AGMO: variants seen among roughly 807,000 people sequenced by gnomAD.
The protein encoded by AGMO is glyceryl-ether monooxygenase.
AGMO carries 75 observed loss-of-function variants against 60.2 expected under a neutral mutation model. That is an observed-to-expected ratio of 1.25 (90% CI 1.03 to 1.51). AGMO has a LOEUF of 1.51. Ranked by LOEUF, AGMO falls within the 40% of genes most tolerant of loss-of-function variation. AGMO has a pLI of 0.00. For missense variants in AGMO, 763 were observed against 525.5 expected (o/e 1.45, Z -4.42); for synonymous variants, 261 against 177.1 (o/e 1.47, Z -3.76).
chr7:15,358,591 G>C, intron 12 of AGMO: 1 of 339,994 alleles, frequency 2.9e-6, no homozygotes, highest in Non-Finnish European at 6.0e-6. Flanking sequence ...CCCTCCCCAA[G>C]ATAAAAAGAC....
chr7:15,538,283 A>C (rs1305835990), intron 3 of AGMO, among the ~76,000 whole-genome samples: 6 of 152,130 alleles, frequency 3.9e-5, no homozygotes, highest in Admixed American at 3.9e-4. Flanking sequence ...CTCATGCTGG[A>C]GTACAGTGGC....
At chr7:15,227,752 T>G (rs1359613456) in intron 12 of AGMO, among the ~76,000 whole-genome samples, 1 of 152,066 alleles carries the variant, frequency 6.6e-6, no homozygotes, top group Admixed American at 6.6e-5. Flanking sequence ...CTTTCCAGAC[T>G]TTTCCTTTCC....
intron 6 of AGMO, 82 bp downstream of exon 6, chr7:15,394,031 T>A (rs1011628842): frequency 7.8e-6 from 8 of 1,024,460 alleles, no homozygotes; most frequent in African/African-American, 6.5e-5. Flanking sequence ...ATTGGGAAAT[T>A]GTGATTAAAT....
intron 12 of AGMO, among the ~76,000 whole-genome samples, chr7:15,342,454 G>A (rs192368079): frequency 2.0e-5 from 3 of 151,930 alleles, no homozygotes; most frequent in African/African-American, 7.2e-5. Flanking sequence ...TGACTTCATT[G>A]GTAAACTCCC....
chr7:15,474,261 C>G (rs567216318), intron 3 of AGMO, among the ~76,000 whole-genome samples: 13 of 151,968 alleles, frequency 8.6e-5, no homozygotes, highest in Non-Finnish European at 1.3e-4. Context: ...TAAGCAAAAA[C>G]AACAAAGCTG....
the AGMO span, among the ~76,000 whole-genome samples, chr7:15,189,160 G>A: frequency 6.6e-6 from 1 of 152,122 alleles, no homozygotes; most frequent in African/African-American, 2.4e-5. Flanking sequence ...TGGGGAAAAT[G>A]AGAGTGGGCC....
chr7:15,561,424 C>T (rs980498308), intron 1 of AGMO, among the ~76,000 whole-genome samples: 1 of 152,188 alleles, frequency 6.6e-6, no homozygotes, highest in Non-Finnish European at 1.5e-5. Flanking sequence ...TGTCATTGAG[C>T]TTCCAATAGC....
At chr7:15,536,510 T>C (rs190213625) in intron 3 of AGMO, among the ~76,000 whole-genome samples, 2 of 151,974 alleles carry the variant, frequency 1.3e-5, no homozygotes, top group East Asian at 1.9e-4. Context: ...GAGAGGACAG[T>C]TTATTTATCA....
At chr7:15,551,652 C>T (rs1178723281) in intron 2 of AGMO, among the ~76,000 whole-genome samples, 5 of 151,018 alleles carry the variant, frequency 3.3e-5, no homozygotes, top group African/African-American at 1.2e-4. Flanking sequence ...CAAACCACTG[C>T]TCAAGGAAAT....
chr7:15,131,094 AGGAGGCAACTTT>A, the AGMO span, among the ~76,000 whole-genome samples: 1 of 152,102 alleles, frequency 6.6e-6, no homozygotes, highest in Non-Finnish European at 1.5e-5. Context: ...TATGTAAAAC[AGGAGGCAACTTT>A]GGAAACATAT....
chr7:15,189,940 C>T, the AGMO span, among the ~76,000 whole-genome samples: 1 of 150,898 alleles, frequency 6.6e-6, no homozygotes, highest in African/African-American at 2.4e-5. Context: ...TCTTAAGACT[C>T]AGAGTAAGCA....
intron 5 of AGMO, among the ~76,000 whole-genome samples, chr7:15,416,451 GT>G (rs1419568258): frequency 6.6e-6 from 1 of 151,976 alleles, no homozygotes; most frequent in Non-Finnish European, 1.5e-5. Flanking sequence ...TGATTTTAAG[GT>G]TTTTTTCCTT....
chr7:15,270,082 G>T (rs1034628794), intron 12 of AGMO, among the ~76,000 whole-genome samples: 1 of 151,934 alleles, frequency 6.6e-6, no homozygotes. Context: ...ATAAATGCAG[G>T]TGTCTTTCTG....
intron 5 of AGMO, among the ~76,000 whole-genome samples, chr7:15,414,877 C>A (rs140308220): frequency 6.6e-6 from 1 of 151,990 alleles, no homozygotes; most frequent in Admixed American, 6.6e-5. Context: ...CAAGTCATCA[C>A]GGACATCTAA....
intron 10 of AGMO, among the ~76,000 whole-genome samples, chr7:15,367,672 C>T (rs560273148): frequency 4.6e-5 from 7 of 152,112 alleles, no homozygotes; most frequent in Non-Finnish European, 7.4e-5. Flanking sequence ...CAGGTGAATA[C>T]GACTTCAGAT....
rs186718827 is a variant in AGMO at position 15,315,398 on chromosome 7, C to T, written c.1263+50116G>A. Among the ~76,000 whole-genome samples, 9 of 114,474 alleles carry T rather than the reference C, an allele frequency of 7.9e-5. No homozygotes were observed. The East Asian group carries it at 1.2e-3, about 16-fold the overall frequency. The allele number at this position is 114,474 out of a possible 152,430, so 75.1% of individuals were successfully genotyped here. On this transcript the variant is annotated intron_variant, in intron 12 of 12. Transcript: ENST00000342526. The stretch of plus-strand genomic sequence containing the variant: ...CTGTTGCCAGGCTGGAGTGTAGTGG[C>T]GCGATCTAGGCTAACTGCAACCTCC...
At chr7:15,370,897 G>A (rs796828648) in intron 10 of AGMO, among the ~76,000 whole-genome samples, 22 of 152,152 alleles carry the variant, frequency 1.4e-4, no homozygotes, top group African/African-American at 5.3e-4. Context: ...ATTGTAACTA[G>A]GTCCCATCTG....
intron 4 of AGMO, among the ~76,000 whole-genome samples, chr7:15,421,726 T>C (rs1780931189): frequency 6.6e-6 from 1 of 152,054 alleles, no homozygotes; most frequent in South Asian, 2.1e-4. Flanking sequence ...ATGGGGTGTA[T>C]GTCCAGGAGG....
intron 3 of AGMO, among the ~76,000 whole-genome samples, chr7:15,493,187 C>A (rs1398509428): frequency 6.6e-6 from 1 of 151,774 alleles, no homozygotes; most frequent in Non-Finnish European, 1.5e-5. Flanking sequence ...AACTTGCAGA[C>A]AAGGTACAAG....
Sources: gnomAD v4.1 joint callset for allele counts (sites outside exome capture counted in the v4.1 genomes callset) on GRCh38, gnomAD v4.1.1 for gene constraint, MANE v1.5 for transcripts, NCBI Gene and HGNC (gene_info 2026-07-23, HGNC 2026-07-21) for gene names.